The following ADAM22 variants were observed in gnomAD, a reference collection of about 807,000 sequenced individuals.
ADAM22 encodes the protein disintegrin and metalloproteinase domain-containing protein 22.
ADAM22 carries 65 observed loss-of-function variants against 144.6 expected under a neutral mutation model. That is an observed-to-expected ratio of 0.45 (90% CI 0.37 to 0.55). The LOEUF (loss-of-function observed/expected upper bound fraction) is 0.55. Among genes scored for constraint, ADAM22 ranks in the 20% least tolerant of loss-of-function variants. The probability of loss-of-function intolerance (pLI) is 0.00; values close to 1 mark genes in which losing one functional copy is unlikely to be tolerated. For synonymous variants in ADAM22, 391 were observed against 412.6 expected, an observed-to-expected ratio of 0.95 and a Z score of 0.63; for missense variants, 974 against 1,184.9, an observed-to-expected ratio of 0.82 and a Z score of 2.61.
intron 3 of ADAM22, 52 bp from the exon 4 acceptor site, chr7:88,075,574 G>A (rs1336223981): frequency 6.6e-7 from 1 of 1,523,610 alleles, no homozygotes; most frequent in Admixed American, 1.7e-5. Flanking sequence ...TGATTTTCGT[G>A]TTTTACATTT....
intron 25 of ADAM22, among the ~76,000 whole-genome samples, chr7:88,168,653 A>G (rs1225993085): frequency 2.0e-5 from 3 of 152,186 alleles, no homozygotes; most frequent in Admixed American, 6.5e-5. Flanking sequence ...AGAGTATTCA[A>G]TTTCCTTTTT....
At chr7:88,069,226 T>C (rs1401848244) in intron 3 of ADAM22, among the ~76,000 whole-genome samples, 1 of 151,808 alleles carries the variant, frequency 6.6e-6, no homozygotes, top group African/African-American at 2.4e-5. Context: ...CTTCTCTCCC[T>C]TTCCTTCTCT....
rs893689466 is a variant in ADAM22, at chr7:88,147,081, G to A, written c.1485+1574G>A. On this transcript the variant is annotated intron_variant, in intron 17 of 31. Transcript: ENST00000413139. ...GTTTTCCCTTTGATTTATACAACTAGGCTCCCTGTGATATAATTATTTCAA... is the reference window on the plus strand; with the variant it reads ...GTTTTCCCTTTGATTTATACAACTAAGCTCCCTGTGATATAATTATTTCAA... Among the ~76,000 whole-genome samples the A allele has an allele frequency of 2.0e-5, 3 of 152,096 alleles. No homozygotes were observed. The South Asian group carries it at 6.2e-4, about 32-fold the overall frequency.
chr7:88,111,250 G>A (rs11770825), intron 5 of ADAM22, among the ~76,000 whole-genome samples: 87,068 of 151,806 alleles, frequency 0.57, 26,052 homozygotes, highest in East Asian at 0.9. Context: ...TGGAAGAAAT[G>A]TTTTGGGGGG....
chr7:87,941,503 T>A (rs1842470387), intron 2 of ADAM22, among the ~76,000 whole-genome samples: 1 of 149,492 alleles, frequency 6.7e-6, no homozygotes, highest in Non-Finnish European at 1.5e-5. Context: ...AGCACAAACT[T>A]TTTTTTTTTA....
chr7:87,955,922 C>T (rs1443404838), intron 2 of ADAM22, among the ~76,000 whole-genome samples: 1 of 152,160 alleles, frequency 6.6e-6, no homozygotes, highest in Non-Finnish European at 1.5e-5. Flanking sequence ...GGCGTAGGAC[C>T]CTCTGAGCCA....
intron 3 of ADAM22, among the ~76,000 whole-genome samples, chr7:88,043,707 T>TA (rs956695763): frequency 5.1e-4 from 76 of 150,118 alleles, no homozygotes; most frequent in African/African-American, 1.7e-3. Context: ...CTCCATCTCT[T>TA]AAAAAAAAAG....
chr7:88,083,544 A>G (rs1817519418), intron 4 of ADAM22, among the ~76,000 whole-genome samples: 1 of 151,128 alleles, frequency 6.6e-6, no homozygotes, highest in South Asian at 2.1e-4. Flanking sequence ...ATCAATAGTT[A>G]TCAACACTTT....
chr7:88,127,328 A>G (rs1003833465), intron 8 of ADAM22, among the ~76,000 whole-genome samples: 1 of 151,954 alleles, frequency 6.6e-6, no homozygotes, highest in African/African-American at 2.4e-5. Context: ...CCATGGACCC[A>G]TAGAGGTGAA....
intron 14 of ADAM22, 83 bp downstream of exon 14, chr7:88,136,114 C>A: frequency 1.6e-6 from 2 of 1,228,814 alleles, no homozygotes; most frequent in South Asian, 1.5e-5. Context: ...CACTCAATAA[C>A]TTAGTGCATG....
chr7:88,045,119 G>C (rs771131352), intron 3 of ADAM22, among the ~76,000 whole-genome samples: 2 of 150,992 alleles, frequency 1.3e-5, no homozygotes, highest in Non-Finnish European at 2.9e-5. Context: ...CCGGGTTCAG[G>C]CGACTCTCCT....
rs1338221506 is a variant in ADAM22 at position 87,934,560 on chromosome 7, C to A, written c.85+10C>A. The A allele has an allele frequency of 6.2e-7, 1 of 1,603,836 alleles. No individual in the cohort carries two copies. The highest frequency in any genetic ancestry group is 2.2e-5 in the East Asian group (1 of 44,612). On this transcript the variant is annotated intron_variant, in intron 1 of 31. Coordinates refer to ENST00000413139, the MANE Select transcript of ADAM22 (RefSeq NM_001324418.2). ...CGCTGCGGCCAGGCAGGTAAGTTAG[C>A]CGTCCTCTGTGCCTTTGGGCCATAC... is the stretch of plus-strand genomic sequence containing the variant.
At chr7:88,111,683 T>C (rs1332679141) in intron 5 of ADAM22, among the ~76,000 whole-genome samples, 1 of 152,208 alleles carries the variant, frequency 6.6e-6, no homozygotes, top group Non-Finnish European at 1.5e-5. Flanking sequence ...TGTGACGACT[T>C]GGTCTTAGCT....
At position 87,978,383 on chromosome 7, in the gene ADAM22, G is replaced by A. The variant is rs199811157; in HGVS notation, c.294G>A (p.Thr98=). Reference sequence around the variant, plus strand: ...GCTTCCAGGTTGATGCCTTTGGAACGTCATTCATTCTCGATGTCGTGCTAA... The same window carrying A: ...GCTTCCAGGTTGATGCCTTTGGAACATCATTCATTCTCGATGTCGTGCTAA... ...QASFQVDAFG[T]SFILDVVLNH... The change falls in exon 3 of 32, where the codon ACG becomes ACA. Residue 98 remains threonine, a synonymous_variant. Coordinates refer to ENST00000413139, the MANE Select transcript of ADAM22 (RefSeq NM_001324418.2). 58 of 1,613,466 alleles carry A rather than the reference G, an allele frequency of 3.6e-5. No individual in the cohort carries two copies. Among genetic ancestry groups the A allele is most frequent in the East Asian group, 1.1e-4 (5 of 44,822 alleles).
chr7:87,935,868 C>G (rs1841129964), intron 2 of ADAM22, among the ~76,000 whole-genome samples: 1 of 152,172 alleles, frequency 6.6e-6, no homozygotes, highest in South Asian at 2.1e-4. Context: ...AAATCAAGAT[C>G]ACACATTCAC....
At chr7:88,051,588 T>A (rs927074266) in intron 3 of ADAM22, among the ~76,000 whole-genome samples, 5 of 151,980 alleles carry the variant, frequency 3.3e-5, no homozygotes, top group African/African-American at 4.8e-5. Flanking sequence ...CATTAGGAGA[T>A]ATACCTAATG....
chr7:88,039,464 A>AAATATATATATATATATATAT, intron 3 of ADAM22, among the ~76,000 whole-genome samples: 1 of 76,378 alleles, frequency 1.3e-5, no homozygotes, highest in African/African-American at 4.7e-5. Flanking sequence ...AAAAAAAAAA[A>AAATATATATATATATATATAT]ATATATATAT....
intron 26 of ADAM22, among the ~76,000 whole-genome samples, chr7:88,178,257 C>G (rs893479410): frequency 1.3e-5 from 2 of 152,078 alleles, no homozygotes; most frequent in African/African-American, 4.8e-5. Context: ...ATAGTTTCAG[C>G]AAAAATTCAG....
At chr7:88,183,058 C>A (rs901855054) in intron 29 of ADAM22, among the ~76,000 whole-genome samples, 4 of 152,114 alleles carry the variant, frequency 2.6e-5, no homozygotes, top group African/African-American at 9.7e-5. Context: ...TTGGACCTTC[C>A]ACCTGAATGG....
Sources: gnomAD v4.1 joint callset for allele counts (sites outside exome capture counted in the v4.1 genomes callset) on GRCh38, gnomAD v4.1.1 for gene constraint, MANE v1.5 for transcripts, NCBI Gene and HGNC (gene_info 2026-07-23, HGNC 2026-07-21) for gene names.